MGAM: variants seen among roughly 807,000 people sequenced by gnomAD.
MGAM encodes the protein alpha-1,4-glucosidase.
MGAM carries 253 observed loss-of-function variants against 358.8 expected under a neutral mutation model. That is an observed-to-expected ratio of 0.71 (90% CI 0.64 to 0.78). The LOEUF (loss-of-function observed/expected upper bound fraction) is 0.78, where lower values mean the gene tolerates loss of function less well. MGAM is among the 30% of genes least tolerant of loss of function. MGAM has a pLI of 0.00. For synonymous variants in MGAM, 1,105 were observed against 1,227.1 expected, an observed-to-expected ratio of 0.90 and a Z score of 2.08; for missense variants, 3,080 against 3,432.6, an observed-to-expected ratio of 0.90 and a Z score of 2.57.
At chr7:142,055,845 G>A in intron 28 of MGAM, 119 bp downstream of exon 28, 1 of 1,508,092 alleles carries the variant, frequency 6.6e-7, no homozygotes, top group Non-Finnish European at 9.0e-7. Context: ...AGGCAAGTGG[G>A]CCAATTCTCA....
At chr7:142,060,205 A>G in intron 33 of MGAM, 106 bp from the exon 34 acceptor site, 1 of 1,474,096 alleles carries the variant, frequency 6.8e-7, no homozygotes, top group Non-Finnish European at 9.4e-7. Context: ...GTGATAGTCA[A>G]AGTATTATTG....
intron 16 of MGAM, 44 bp downstream of exon 16, chr7:142,034,885 G>A (rs1554465308): frequency 6.4e-7 from 1 of 1,565,926 alleles, no homozygotes. Context: ...GAATTCCCAG[G>A]CAACCTCATT....
At chr7:142,103,058 G>A (rs575134672) in intron 69 of MGAM, among the ~76,000 whole-genome samples, 3 of 152,270 alleles carry the variant, frequency 2.0e-5, no homozygotes, top group Admixed American at 1.3e-4. Context: ...AGGGCAGTGC[G>A]AAAGACCCTG....
In MGAM at chr7:142,091,169, C is replaced by A. The variant is rs559905948; in HGVS notation, c.6811-744C>A. The stretch of plus-strand genomic sequence containing the variant: ...GGCTGAGGCAAAAGAATCGCGAGAA[C>A]CTGGAAGGCAGAGGTTTCAGTGAGC... On this transcript the variant is annotated intron_variant, in intron 57 of 70. Transcript: ENST00000475668. Among the ~76,000 whole-genome samples the A allele has an allele frequency of 1.0e-3, 146 of 143,622 alleles. 5 individuals are homozygous for A. Among genetic ancestry groups the A allele is most frequent in the African/African-American group, 3.0e-3 (121 of 40,564 alleles). 94.2% of individuals were successfully genotyped at this position (143,622 alleles called of 152,430 possible).
At chr7:142,045,045 GATATATAATATGTATATTATA>G in intron 21 of MGAM, among the ~76,000 whole-genome samples, 1 of 86,980 alleles carries the variant, frequency 1.1e-5, no homozygotes, top group South Asian at 3.4e-4. Flanking sequence ...TGTAATATAT[GATATATAATATGTATATTATA>G]TATACGTGTA....
At chr7:142,010,339 A>G (rs1805507858) in intron 3 of MGAM, among the ~76,000 whole-genome samples, 1 of 151,894 alleles carries the variant, frequency 6.6e-6, no homozygotes, top group Admixed American at 6.6e-5. Context: ...TATCAGCTGA[A>G]CTCGTTACCT....
intron 3 of MGAM, among the ~76,000 whole-genome samples, chr7:142,018,447 C>A (rs189480507): frequency 6.1e-4 from 93 of 152,286 alleles, no homozygotes; most frequent in Admixed American, 1.5e-3. Context: ...TTGAAAGCAG[C>A]GTCTCATTGT....
chr7:142,081,790 G>C (rs1814317940), intron 50 of MGAM, among the ~76,000 whole-genome samples: 1 of 145,782 alleles, frequency 6.9e-6, no homozygotes, highest in African/African-American at 2.4e-5. Context: ...GTGATGGTGA[G>C]GGGAGCTTGT....
chr7:142,032,700 T>C (rs1554464227), intron 13 of MGAM, 125 bp from the exon 14 acceptor site: 1 of 604,842 alleles, frequency 1.7e-6, no homozygotes, highest in Non-Finnish European at 2.9e-6. Flanking sequence ...CTCTATTCCA[T>C]TTATACAAAT....
chr7:141,989,300 T>G (rs1554446830), intron 2 of MGAM, among the ~76,000 whole-genome samples: 1 of 152,120 alleles, frequency 6.6e-6, no homozygotes, highest in Non-Finnish European at 1.5e-5. Flanking sequence ...TGATACTGCT[T>G]GTTGGATATT....
At chr7:142,044,271 T>A (rs1482342437) in intron 21 of MGAM, among the ~76,000 whole-genome samples, 2 of 66,618 alleles carry the variant, frequency 3.0e-5, no homozygotes, top group Non-Finnish European at 4.3e-5. Flanking sequence ...AATATATACA[T>A]TATATACACA....
At chr7:142,044,078 T>C (rs1223896583) in intron 21 of MGAM, among the ~76,000 whole-genome samples, 2 of 142,674 alleles carry the variant, frequency 1.4e-5, no homozygotes, top group Admixed American at 7.2e-5. Context: ...GTATAATACA[T>C]TATATACACA....
chr7:142,035,431 T>A (rs1807899920), intron 16 of MGAM, among the ~76,000 whole-genome samples: 1 of 152,082 alleles, frequency 6.6e-6, no homozygotes, highest in East Asian at 1.9e-4. Flanking sequence ...GACGTATGAG[T>A]TAAATGTTAT....
intron 21 of MGAM, among the ~76,000 whole-genome samples, chr7:142,041,934 T>TAATATATAC (rs1363656874): frequency 3.4e-5 from 1 of 29,516 alleles, no homozygotes; most frequent in Non-Finnish European, 5.1e-5. Flanking sequence ...ATATAATATA[T>TAATATATAC]ATATTATATA....
rs768217462 is a variant in MGAM, at chr7:142,056,913, C to A, written c.3664C>A (p.Pro1222Thr). 28 of 1,613,714 alleles carry A rather than the reference C, an allele frequency of 1.7e-5. No homozygotes were observed. The highest frequency in any genetic ancestry group is 1.6e-4 in the Middle Eastern group (1 of 6,082). ...CTTTTATGTGTTCTTGGGGCCGACT[C>A]CAGAGCTTGTCACCCAGCAGTACAC... ...LDFYVFLGPT[P>T]ELVTQQYTEL... Residue 1222 changes from proline to threonine, a missense_variant, in exon 30 of 71, where the codon CCA becomes ACA. By Grantham distance (38) the Pro-to-Thr change is conservative (BLOSUM62 -1). Around this residue, in one of 5 missense-constraint regions of MGAM, gnomAD observed 1,816 missense variants for 1,840.5 expected, o/e 0.99. Coordinates refer to ENST00000475668, the MANE Select transcript of MGAM (RefSeq NM_001365693.1).
rs1341108674 is a variant in MGAM at position 142,047,163 on chromosome 7, TTCTC to T, written c.2499-618_2499-615del. Among the ~76,000 whole-genome samples, 5 of 152,222 alleles carry T rather than the reference TTCTC, an allele frequency of 3.3e-5. No homozygotes were observed. In the South Asian group the frequency reaches 1.0e-3, roughly 32 times the overall value. ...ATGAGGAGAGACTCCAAATAAAAATTTCTCTCTTCTCCCCCTCTTCCTCTCTGTC... is the reference window on the plus strand; with the variant it reads ...ATGAGGAGAGACTCCAAATAAAAATTTCTTCTCCCCCTCTTCCTCTCTGTC... On this transcript the variant is annotated intron_variant, in intron 21 of 70. Coordinates refer to ENST00000475668, the MANE Select transcript of MGAM (RefSeq NM_001365693.1).
intron 42 of MGAM, 70 bp from the exon 43 acceptor site, chr7:142,068,577 C>A: frequency 8.2e-7 from 1 of 1,216,442 alleles, no homozygotes. Flanking sequence ...TCACCTCTTT[C>A]CTAAGCAGTT....
rs3793158 is a variant in MGAM at position 142,019,152 on chromosome 7, A to G, written c.328-47A>G. 28,174 of 1,588,198 alleles carry G rather than the reference A, an allele frequency of 0.018. 2,087 individuals carry two copies. The African/African-American group carries it at 0.21, about 12-fold the overall frequency. On this transcript the variant is annotated intron_variant, in intron 3 of 70. Coordinates refer to ENST00000475668, the MANE Select transcript of MGAM (RefSeq NM_001365693.1). ...GATGTTTCGTGCTTTATAAATGATC[A>G]TGTTCTACAACTAAATGGAGCTTCT...
At chr7:142,095,069 C>G (rs149167866) in intron 63 of MGAM, among the ~76,000 whole-genome samples, 86 of 152,144 alleles carry the variant, frequency 5.7e-4, no homozygotes, top group African/African-American at 1.3e-3. Flanking sequence ...GGGGCTCAAG[C>G]GACTCACCTA....
Sources: gnomAD v4.1 joint callset for allele counts (sites outside exome capture counted in the v4.1 genomes callset) on GRCh38, gnomAD v4.1.1 for gene constraint, gnomAD v4.1.1 regional missense constraint, MANE v1.5 for transcripts, NCBI Gene and HGNC (gene_info 2026-07-23, HGNC 2026-07-21) for gene names.